Variants in CFAP299 observed in about 807,000 individuals in gnomAD.
CFAP299 encodes the protein cilia and flagella associated protein 299.
In CFAP299, 21 loss-of-function variants were observed where a neutral mutation model predicts 27.0. That is an observed-to-expected ratio of 0.78 (90% CI 0.55 to 1.12). The LOEUF is 1.12. Ranked by LOEUF, CFAP299 falls within the 50% of genes most tolerant of loss-of-function variation. The pLI is 0.00. For missense variants in CFAP299, 310 were observed against 276.6 expected (o/e 1.12, Z -0.86); for synonymous variants, 104 against 98.1 (o/e 1.06, Z -0.36).
intron 3 of CFAP299, among the ~76,000 whole-genome samples, chr4:80,682,861 G>A (rs975043056): frequency 2.0e-5 from 3 of 151,976 alleles, no homozygotes; most frequent in Non-Finnish European, 1.5e-5. Context: ...CCTGCCATTC[G>A]ATAATACCTC....
At chr4:80,459,918 A>G (rs1454423642) in intron 2 of CFAP299, among the ~76,000 whole-genome samples, 1 of 152,206 alleles carries the variant, frequency 6.6e-6, no homozygotes, top group Non-Finnish European at 1.5e-5. Flanking sequence ...GACAAAAGGC[A>G]GGTTAATAGA....
At chr4:80,639,703 G>A (rs566621892) in intron 3 of CFAP299, 94 of 153,302 alleles carry the variant, frequency 6.1e-4, no homozygotes, top group South Asian at 1.4e-3. Flanking sequence ...ATGGAGTTTC[G>A]CTCTTGTTGC....
At chr4:80,831,639 C>G (rs1730306578) in intron 3 of CFAP299, among the ~76,000 whole-genome samples, 1 of 152,132 alleles carries the variant, frequency 6.6e-6, no homozygotes, top group Non-Finnish European at 1.5e-5. Flanking sequence ...TGCATTTTAA[C>G]TCTCAAGTGA....
At chr4:80,619,995 G>A (rs1738492350) in intron 3 of CFAP299, among the ~76,000 whole-genome samples, 1 of 151,956 alleles carries the variant, frequency 6.6e-6, no homozygotes. Context: ...ATAATCATAA[G>A]CATTGAGAGA....
At chr4:80,739,572 A>G (rs528918083) in intron 3 of CFAP299, among the ~76,000 whole-genome samples, 4 of 151,770 alleles carry the variant, frequency 2.6e-5, no homozygotes, top group African/African-American at 9.7e-5. Context: ...AAGTTCCATT[A>G]TATGTTATTT....
chr4:80,673,609 G>A (rs1229895264), intron 3 of CFAP299, among the ~76,000 whole-genome samples: 2 of 152,166 alleles, frequency 1.3e-5, no homozygotes, highest in Non-Finnish European at 2.9e-5. Context: ...AATATTGACA[G>A]TGGGGTGTTA....
At chr4:80,427,026 G>A (rs932361725) in intron 2 of CFAP299, among the ~76,000 whole-genome samples, 5 of 152,132 alleles carry the variant, frequency 3.3e-5, no homozygotes, top group Non-Finnish European at 7.4e-5. Flanking sequence ...ATTAATTAAA[G>A]CAATCGTTCT....
intron 3 of CFAP299, among the ~76,000 whole-genome samples, chr4:80,708,815 A>C (rs1377084901): frequency 1.3e-5 from 2 of 152,286 alleles, no homozygotes; most frequent in Non-Finnish European, 2.9e-5. Context: ...ATGCTCTCAA[A>C]TGCAAACTTT....
intron 5 of CFAP299, among the ~76,000 whole-genome samples, chr4:80,951,937 T>C (rs949264370): frequency 2.0e-5 from 3 of 152,224 alleles, no homozygotes; most frequent in African/African-American, 7.2e-5. Context: ...TAAATGCTTC[T>C]GCTAATAAAT....
intron 4 of CFAP299, among the ~76,000 whole-genome samples, chr4:80,913,252 T>C (rs1735570236): frequency 4.6e-5 from 7 of 152,128 alleles, no homozygotes; most frequent in Admixed American, 4.6e-4. Context: ...CCATCCCAGC[T>C]GACAAAGAAG....
rs1728167468 is a variant in CFAP299 at position 80,799,588 on chromosome 4, TATATAAAATATA to T, written c.334-70404_334-70393del. ...AAATATATATATTTATAAAATATAT[TATATAAAATATA>T]TATTTTATATATTATATATTTATAA... is the stretch of plus-strand genomic sequence containing the variant. On this transcript the variant is annotated intron_variant, in intron 3 of 5. Transcript: ENST00000358105. 6.6e-5 allele frequency among the ~76,000 whole-genome samples: 4 copies of T among 60,828 alleles called. 1 individual carries two copies. The highest frequency in any genetic ancestry group is 3.0e-4 in the African/African-American group (4 of 13,532). 39.9% of individuals were successfully genotyped at this position (60,828 alleles called of 152,430 possible). A position where few individuals can be genotyped will look rare whatever the true frequency, so the allele number is the denominator to read the frequency against.
chr4:80,327,690 T>TTTTATATATATATATA, the CFAP299 span, among the ~76,000 whole-genome samples: 303 of 51,180 alleles, frequency 5.9e-3, 9 homozygotes, highest in South Asian at 0.023. Context: ...TAGAGAGAAG[T>TTTTATATATATATATA]TATATATATA....
At chr4:80,617,992 G>C (rs1235920185) in intron 3 of CFAP299, among the ~76,000 whole-genome samples, 1 of 152,044 alleles carries the variant, frequency 6.6e-6, no homozygotes, top group Non-Finnish European at 1.5e-5. Context: ...CTTAAATTAA[G>C]AAGGAAAAGA....
At chr4:80,474,104 A>G (rs13115510) in intron 2 of CFAP299, among the ~76,000 whole-genome samples, 14,355 of 152,238 alleles carry the variant, frequency 0.094, 763 homozygotes, top group Middle Eastern at 0.19. Flanking sequence ...ATGCAGAGGA[A>G]TATGTTGAGT....
intron 2 of CFAP299, among the ~76,000 whole-genome samples, chr4:80,476,531 C>T (rs891417423): frequency 1.5e-4 from 23 of 152,094 alleles, no homozygotes; most frequent in Non-Finnish European, 3.4e-4. Flanking sequence ...AATGGCACTG[C>T]ATTTTCTGGA....
At chr4:80,647,044 A>G (rs1464656121) in intron 3 of CFAP299, among the ~76,000 whole-genome samples, 2 of 152,082 alleles carry the variant, frequency 1.3e-5, no homozygotes, top group Admixed American at 1.3e-4. Context: ...ATAGATATAG[A>G]TGTACATATA....
Position 80,947,494 on chromosome 4 carries a change from A to G in CFAP299, c.606+2555A>G, listed in dbSNP as rs185216831. On this transcript the variant is annotated intron_variant, in intron 5 of 5. Coordinates refer to ENST00000358105, the MANE Select transcript of CFAP299 (RefSeq NM_152770.3). The stretch of plus-strand genomic sequence containing the variant: ...TTTAGTGGTCACAACTAGAAGATAG[A>G]GAGTTGTTGTAGTTGTTGTGTTGTT... Among the ~76,000 whole-genome samples the G allele has an allele frequency of 1.3e-3, 193 of 152,160 alleles. 1 individual carries two copies. The highest frequency in any genetic ancestry group is 4.3e-3 in the African/African-American group (179 of 41,526).
chr4:80,630,714 A>G (rs1489215130), intron 3 of CFAP299, among the ~76,000 whole-genome samples: 1 of 152,042 alleles, frequency 6.6e-6, no homozygotes, highest in Non-Finnish European at 1.5e-5. Flanking sequence ...AATGATCCAC[A>G]TATTATCGAG....
intron 2 of CFAP299, among the ~76,000 whole-genome samples, chr4:80,376,571 A>C (rs947106502): frequency 6.6e-6 from 1 of 152,208 alleles, no homozygotes; most frequent in African/African-American, 2.4e-5. Context: ...ATTTAAGAAC[A>C]CATGGTATTG....
Sources: allele counts gnomAD v4.1 joint callset (sites outside exome capture counted in the v4.1 genomes callset), GRCh38; gene constraint gnomAD v4.1.1; transcripts MANE v1.5; gene names NCBI Gene and HGNC (gene_info 2026-07-23, HGNC 2026-07-21).